The following GRID2 variants were observed in gnomAD, a reference collection of about 807,000 sequenced individuals.
The protein encoded by GRID2 is glutamate receptor ionotropic, delta-2.
A neutral mutation model predicts 114.8 loss-of-function variants in GRID2; 33 were observed. The observed-to-expected ratio is 0.29, with a 90% CI of 0.22 to 0.38. The LOEUF is 0.38. Among genes scored for constraint, GRID2 ranks in the 10% least tolerant of loss-of-function variants. The pLI is 1.00. For synonymous variants in GRID2, 505 were observed against 449.9 expected, an observed-to-expected ratio of 1.12 and a Z score of -1.55; for missense variants, 1,184 against 1,257.7, an observed-to-expected ratio of 0.94 and a Z score of 0.89.
At chr4:92,836,263 T>G (rs1742452436) in intron 2 of GRID2, among the ~76,000 whole-genome samples, 1 of 152,130 alleles carries the variant, frequency 6.6e-6, no homozygotes. Context: ...TTATAGCTAT[T>G]GATTTTTAGC....
At chr4:93,003,920 T>C (rs1462004855) in intron 2 of GRID2, among the ~76,000 whole-genome samples, 1 of 151,950 alleles carries the variant, frequency 6.6e-6, no homozygotes, top group African/African-American at 2.4e-5. Flanking sequence ...TAAAAGTGTG[T>C]TGACTTTTTA....
intron 2 of GRID2, among the ~76,000 whole-genome samples, chr4:93,035,343 G>T (rs1238844802): frequency 6.6e-6 from 1 of 151,998 alleles, no homozygotes; most frequent in Non-Finnish European, 1.5e-5. Context: ...TGAGCTCCTT[G>T]GCTCAAGTGA....
intron 1 of GRID2, among the ~76,000 whole-genome samples, chr4:92,587,910 A>G (rs550444076): frequency 6.6e-5 from 10 of 152,200 alleles, no homozygotes; most frequent in Non-Finnish European, 1.3e-4. Context: ...GTTGATAAGA[A>G]GCCCTTTTTT....
At chr4:93,602,778 A>G (rs951853397) in intron 13 of GRID2, among the ~76,000 whole-genome samples, 5 of 152,252 alleles carry the variant, frequency 3.3e-5, no homozygotes, top group Non-Finnish European at 4.4e-5. Flanking sequence ...GAAGAGTCAC[A>G]TGTGAGGAAG....
intron 1 of GRID2, among the ~76,000 whole-genome samples, chr4:92,328,393 A>G (rs193210511): frequency 6.6e-6 from 1 of 152,198 alleles, no homozygotes; most frequent in Admixed American, 6.6e-5. Context: ...TTGAAAATAA[A>G]CATTCAGAAG....
chr4:92,447,695 T>C (rs1395590643), intron 1 of GRID2, among the ~76,000 whole-genome samples: 4 of 152,198 alleles, frequency 2.6e-5, no homozygotes, highest in Non-Finnish European at 4.4e-5. Context: ...AGATTCCAAA[T>C]CTGGTGAGGG....
intron 4 of GRID2, among the ~76,000 whole-genome samples, chr4:93,203,250 C>T (rs1047606431): frequency 7.2e-5 from 11 of 152,026 alleles, no homozygotes; most frequent in Admixed American, 2.0e-4. Context: ...AAATTATAAC[C>T]CTTGTTTAGT....
At chr4:93,794,351 A>G (rs894257559) in intron 1 of GRID2, among the ~76,000 whole-genome samples, 1 of 152,230 alleles carries the variant, frequency 6.6e-6, no homozygotes, top group Non-Finnish European at 1.5e-5. Context: ...AATGGGACAC[A>G]GACTGCCATT....
intron 2 of GRID2, among the ~76,000 whole-genome samples, chr4:92,679,882 G>T (rs1480263416): frequency 6.6e-6 from 1 of 151,412 alleles, no homozygotes; most frequent in Non-Finnish European, 1.5e-5. Flanking sequence ...ATACGTAATT[G>T]CAAGTGCTAA....
intron 1 of GRID2, among the ~76,000 whole-genome samples, chr4:92,525,379 A>G (rs1025540450): frequency 6.6e-6 from 1 of 152,072 alleles, no homozygotes; most frequent in African/African-American, 2.4e-5. Context: ...TTGTTAAGTT[A>G]TGGTGTCAAA....
At chr4:93,186,473 A>G (rs1233510420) in intron 4 of GRID2, among the ~76,000 whole-genome samples, 1 of 152,170 alleles carries the variant, frequency 6.6e-6, no homozygotes, top group Non-Finnish European at 1.5e-5. Flanking sequence ...ATTTATTTTT[A>G]TCAAAATTTC....
Position 92,942,337 on chromosome 4 carries a change from C to A in GRID2, c.245-142658C>A, listed in dbSNP as rs139883392. 4.6e-3 allele frequency among the ~76,000 whole-genome samples: 705 copies of A among 152,228 alleles called. 6 individuals are homozygous for A. Among genetic ancestry groups the A allele is most frequent in the African/African-American group, 0.016 (663 of 41,524 alleles). On this transcript the variant is annotated intron_variant, in intron 2 of 15. Coordinates refer to ENST00000282020, the MANE Select transcript of GRID2 (RefSeq NM_001510.4). ...ACCATTATGTAATGGCCTTCTTTGT[C>A]TCTTCTGATATTTGTTGGTTTAAAG...
intron 14 of GRID2, among the ~76,000 whole-genome samples, chr4:93,703,986 T>C (rs1195043706): frequency 6.6e-6 from 1 of 152,158 alleles, no homozygotes; most frequent in Non-Finnish European, 1.5e-5. Flanking sequence ...AGCAGCATGA[T>C]TTATAATCCT....
intron 1 of GRID2, among the ~76,000 whole-genome samples, chr4:92,324,069 T>C (rs2110131676): frequency 6.6e-6 from 1 of 152,090 alleles, no homozygotes; most frequent in South Asian, 2.1e-4. Context: ...TGTATTAGAG[T>C]ACAATAATTA....
At chr4:93,573,349 A>G (rs1330764336) in intron 13 of GRID2, among the ~76,000 whole-genome samples, 1 of 152,178 alleles carries the variant, frequency 6.6e-6, no homozygotes, top group Non-Finnish European at 1.5e-5. Flanking sequence ...TGGAGTGTCC[A>G]TCATGTGTCT....
In GRID2 at chr4:93,396,868, A is replaced by G. The variant is rs574237361; in HGVS notation, c.1347+1160A>G. ...GCATACATTCTCCTTTGCTATTCCA[A>G]TGTGTTTAATCATGTGCTAGTTTAT... On this transcript the variant is annotated intron_variant, in intron 9 of 15. Coordinates refer to ENST00000282020, the MANE Select transcript of GRID2 (RefSeq NM_001510.4). 5.9e-5 allele frequency among the ~76,000 whole-genome samples: 9 copies of G among 152,152 alleles called. No homozygotes were observed. The South Asian group carries it at 1.7e-3, about 28-fold the overall frequency.
chr4:93,482,964 A>T (rs1362355059), intron 11 of GRID2, among the ~76,000 whole-genome samples: 3 of 152,036 alleles, frequency 2.0e-5, no homozygotes, highest in African/African-American at 7.2e-5. Flanking sequence ...TGTCAAAAAA[A>T]TAAAACACTT....
chr4:92,593,642 C>T (rs1471293344), intron 2 of GRID2, among the ~76,000 whole-genome samples: 1 of 151,792 alleles, frequency 6.6e-6, no homozygotes, highest in Non-Finnish European at 1.5e-5. Flanking sequence ...ACATTGATTT[C>T]AGATCTTTGA....
intron 2 of GRID2, among the ~76,000 whole-genome samples, chr4:92,725,893 G>A (rs771434986): frequency 2.6e-5 from 4 of 152,024 alleles, no homozygotes; most frequent in Non-Finnish European, 5.9e-5. Flanking sequence ...AGCTTTTATA[G>A]CAGAACATAT....
Sources: allele counts gnomAD v4.1 joint callset (sites outside exome capture counted in the v4.1 genomes callset), GRCh38; gene constraint gnomAD v4.1.1; transcripts MANE v1.5; gene names NCBI Gene and HGNC (gene_info 2026-07-23, HGNC 2026-07-21).